CNTNAP5: variants seen among roughly 807,000 people sequenced by gnomAD.
The protein encoded by CNTNAP5 is contactin associated protein family member 5.
Under a neutral mutation model 150.2 loss-of-function variants are expected in CNTNAP5, and 72 were observed. The ratio of observed to expected loss-of-function variants is 0.48; its 90% CI spans 0.40 to 0.58. CNTNAP5 has a LOEUF of 0.58. Among genes scored for constraint, CNTNAP5 ranks in the 20% least tolerant of loss-of-function variants. CNTNAP5 has a pLI of 0.00. For missense variants in CNTNAP5, 1,636 were observed against 1,626.2 expected (o/e 1.01, Z -0.10); for synonymous variants, 672 against 619.8 (o/e 1.08, Z -1.25).
chr2:124,601,272 C>T (rs1244216788), intron 11 of CNTNAP5, among the ~76,000 whole-genome samples: 3 of 152,046 alleles, frequency 2.0e-5, no homozygotes, highest in Non-Finnish European at 4.4e-5. Context: ...CGAGATATTC[C>T]ACAGCCAAGC....
chr2:124,137,587 A>T (rs997595705), intron 1 of CNTNAP5, among the ~76,000 whole-genome samples: 1 of 152,190 alleles, frequency 6.6e-6, no homozygotes, highest in Non-Finnish European at 1.5e-5. Flanking sequence ...AAAAAATTCT[A>T]CTTTGGGCGC....
rs370164773 is a variant in CNTNAP5, at chr2:124,772,885, C to A, written c.2620C>A (p.Gln874Lys). The A allele has an allele frequency of 2.5e-6, 4 of 1,613,594 alleles. No homozygotes were observed. The highest frequency in any genetic ancestry group is 1.3e-5 in the African/African-American group (1 of 74,990). ...GTCTCCTTCTCTTCTGAATGACAAC[C>A]AATGGCACTATGTCCGGGCTGAGAG... ...VQSPSLLNDN[Q>K]WHYVRAERNL... The change falls in exon 17 of 24, where the codon CAA becomes AAA. Residue 874 changes from glutamine (Q) to lysine (K), a missense_variant. Transcript: ENST00000682447.
At chr2:124,768,037 C>A (rs1244216340) in intron 16 of CNTNAP5, among the ~76,000 whole-genome samples, 1 of 152,132 alleles carries the variant, frequency 6.6e-6, no homozygotes, top group African/African-American at 2.4e-5. Context: ...GGCCTACCCC[C>A]ACACCAGAGA....
chr2:124,205,761 T>C (rs1685847858), intron 1 of CNTNAP5, among the ~76,000 whole-genome samples: 1 of 152,258 alleles, frequency 6.6e-6, no homozygotes, highest in Admixed American at 6.5e-5. Context: ...AGCATGAGAA[T>C]GGACTAATAC....
At chr2:124,688,268 G>A (rs1382350361) in intron 13 of CNTNAP5, among the ~76,000 whole-genome samples, 2 of 151,952 alleles carry the variant, frequency 1.3e-5, no homozygotes, top group African/African-American at 2.4e-5. Flanking sequence ...CTGGAATAAA[G>A]TTTTTTTAAA....
intron 13 of CNTNAP5, among the ~76,000 whole-genome samples, chr2:124,673,304 T>C (rs1421399053): frequency 6.6e-6 from 1 of 152,172 alleles, no homozygotes; most frequent in Non-Finnish European, 1.5e-5. Context: ...ATGAATTTAA[T>C]CTGGTGATTG....
chr2:124,798,206 G>C lies in CNTNAP5; in HGVS notation c.3103G>C (p.Ala1035Pro), dbSNP rs1157906801. The change falls in exon 19 of 24, where the codon GCT becomes CCT. Residue 1035 changes from alanine to proline, a missense_variant. Ala to Pro is a conservative substitution (Grantham distance 27). Coordinates refer to ENST00000682447, the MANE Select transcript of CNTNAP5 (RefSeq NM_001367498.1). The stretch of plus-strand genomic sequence containing the variant: ...ATCCTCAGCTATTTACACAGATTCA[G>C]CTCCATCCAAGGAAAACATTGCACT... The part of the protein sequence containing the change: ...LSSSAIYTDS[A>P]PSKENIALSF... 5 of 1,613,820 alleles carry C rather than the reference G, an allele frequency of 3.1e-6. No individual in the cohort carries two copies. The highest frequency in any genetic ancestry group is 1.7e-5 in the Admixed American group (1 of 60,008).
intron 14 of CNTNAP5, among the ~76,000 whole-genome samples, chr2:124,754,549 G>C (rs1240359579): frequency 6.6e-6 from 1 of 151,956 alleles, no homozygotes; most frequent in Non-Finnish European, 1.5e-5. Context: ...GAAGAGATGG[G>C]ACATTTTCTC....
chr2:124,356,790 A>T (rs1205715504), intron 3 of CNTNAP5, among the ~76,000 whole-genome samples: 1 of 151,648 alleles, frequency 6.6e-6, no homozygotes, highest in Non-Finnish European at 1.5e-5. Flanking sequence ...TCTTTATAGC[A>T]GCATGATTTA....
chr2:124,378,856 G>A (rs1690719525), intron 3 of CNTNAP5, among the ~76,000 whole-genome samples: 1 of 152,092 alleles, frequency 6.6e-6, no homozygotes, highest in East Asian at 1.9e-4. Flanking sequence ...TTGAGAAAGG[G>A]AAACAACTTT....
intron 19 of CNTNAP5, among the ~76,000 whole-genome samples, chr2:124,859,717 T>C (rs1343218764): frequency 6.6e-6 from 1 of 152,126 alleles, no homozygotes; most frequent in African/African-American, 2.4e-5. Context: ...CACCATGGAA[T>C]ACTATGCAGC....
At chr2:124,736,775 A>G (rs1416087259) in intron 13 of CNTNAP5, among the ~76,000 whole-genome samples, 1 of 152,176 alleles carries the variant, frequency 6.6e-6, no homozygotes, top group Non-Finnish European at 1.5e-5. Flanking sequence ...AATGTCATCT[A>G]TAGAAAATCT....
intron 3 of CNTNAP5, among the ~76,000 whole-genome samples, chr2:124,329,030 T>C (rs1200005213): frequency 6.6e-6 from 1 of 152,152 alleles, no homozygotes; most frequent in African/African-American, 2.4e-5. Context: ...ACAGGGAATG[T>C]AGGCAACTTT....
chr2:124,363,115 G>T (rs1295934802), intron 3 of CNTNAP5, among the ~76,000 whole-genome samples: 3 of 152,160 alleles, frequency 2.0e-5, no homozygotes, highest in Non-Finnish European at 4.4e-5. Flanking sequence ...TATGATGTTT[G>T]TAATGCCTCA....
intron 6 of CNTNAP5, among the ~76,000 whole-genome samples, chr2:124,459,329 C>T (rs1230647203): frequency 6.6e-6 from 1 of 152,158 alleles, no homozygotes; most frequent in Non-Finnish European, 1.5e-5. Context: ...CATCATTTGC[C>T]TCCCTACCCC....
At chr2:124,087,583 G>A (rs535357955) in intron 1 of CNTNAP5, among the ~76,000 whole-genome samples, 97 of 151,912 alleles carry the variant, frequency 6.4e-4, no homozygotes, top group Admixed American at 1.6e-3. Context: ...TTAGCTGGGC[G>A]TGGTGGCGTG....
chr2:124,347,119 G>A (rs951585592), intron 3 of CNTNAP5, among the ~76,000 whole-genome samples: 5 of 151,906 alleles, frequency 3.3e-5, no homozygotes, highest in African/African-American at 1.2e-4. Context: ...ATCCAGTACT[G>A]TAAGATAATA....
At chr2:124,524,021 G>A (rs1462776606) in intron 8 of CNTNAP5, among the ~76,000 whole-genome samples, 1 of 149,772 alleles carries the variant, frequency 6.7e-6, no homozygotes, top group African/African-American at 2.5e-5. Context: ...ACATAACTTT[G>A]GTTGTGGTGT....
intron 1 of CNTNAP5, among the ~76,000 whole-genome samples, chr2:124,050,666 C>G (rs1363368415): frequency 2.6e-5 from 4 of 152,102 alleles, no homozygotes; most frequent in Non-Finnish European, 5.9e-5. Flanking sequence ...TTACATGGTA[C>G]CTTTGACACA....
Sources: allele counts gnomAD v4.1 joint callset (sites outside exome capture counted in the v4.1 genomes callset), GRCh38; gene constraint gnomAD v4.1.1; transcripts MANE v1.5; gene names NCBI Gene and HGNC (gene_info 2026-07-23, HGNC 2026-07-21).